The following OPA1 variants were observed in gnomAD, a reference collection of about 807,000 sequenced individuals.
The protein encoded by OPA1 is OPA1 mitochondrial dynamin like GTPase, also known as dynamin-like GTPase OPA1, mitochondrial.
OPA1 carries 59 observed loss-of-function variants against 152.9 expected under a neutral mutation model. The observed-to-expected ratio is 0.39, with a 90% confidence interval of 0.31 to 0.48. The LOEUF is 0.48. Among genes scored for constraint, OPA1 ranks in the 20% least tolerant of loss-of-function variants. The pLI, the probability that OPA1 is intolerant of heterozygous loss-of-function variation, is 0.96. For missense variants in OPA1, 1,008 were observed against 1,216.8 expected (o/e 0.83, Z 2.55); for synonymous variants, 400 against 389.9 (o/e 1.03, Z -0.31).
intron 1 of OPA1, among the ~76,000 whole-genome samples, chr3:193,602,127 T>G (rs1436923785): frequency 6.6e-6 from 1 of 152,202 alleles, no homozygotes; most frequent in Admixed American, 6.5e-5. Flanking sequence ...TAGGGAAAGC[T>G]GTCTGTAACC....
In OPA1 at chr3:193,643,963, TA is replaced by T. The variant is rs1734161253; in HGVS notation, c.1478-11del. ...TTAAAATTCCACAGTGTCATTTTTT[TA>T]TTTTTTTCAGATGGATCTGTGGATG... is the stretch of plus-strand genomic sequence containing the variant. On this transcript the variant is annotated splice_polypyrimidine_tract_variant and intron_variant, in intron 15 of 30. Coordinates refer to ENST00000361510, the MANE Select transcript of OPA1 (RefSeq NM_130837.3). The T allele has an allele frequency of 6.2e-7, 1 of 1,613,312 alleles. No individual in the cohort carries two copies. The highest frequency in any genetic ancestry group is 1.3e-5 in the African/African-American group (1 of 74,916).
chr3:193,644,193 A>G, intron 16 of OPA1, 88 bp downstream of exon 16: 1 of 1,481,376 alleles, frequency 6.8e-7, no homozygotes, highest in Non-Finnish European at 9.4e-7. Context: ...AACAACAACA[A>G]CAACAAAAAA....
intron 1 of OPA1, among the ~76,000 whole-genome samples, chr3:193,607,157 C>G (rs1727418149): frequency 6.6e-6 from 1 of 152,152 alleles, no homozygotes; most frequent in Non-Finnish European, 1.5e-5. Flanking sequence ...TTTGTAGATT[C>G]TGGATATTAG....
chr3:193,672,314 G>A (rs908254109), intron 29 of OPA1, among the ~76,000 whole-genome samples: 2 of 152,096 alleles, frequency 1.3e-5, no homozygotes, highest in Non-Finnish European at 2.9e-5. Flanking sequence ...AAGTATCTGG[G>A]CATCAATAAC....
chr3:193,599,213 T>G (rs1168403775), intron 1 of OPA1, among the ~76,000 whole-genome samples: 2 of 152,196 alleles, frequency 1.3e-5, no homozygotes, highest in East Asian at 3.8e-4. Context: ...TTAGTCTTAT[T>G]CTACTCAGGA....
chr3:193,655,211 A>G (rs1021434250), intron 22 of OPA1, among the ~76,000 whole-genome samples, 184 bp downstream of exon 22: 5 of 152,184 alleles, frequency 3.3e-5, no homozygotes, highest in African/African-American at 1.2e-4. Flanking sequence ...TACTACGGTT[A>G]TAAAAATTTA....
At chr3:193,669,516 A>G (rs1260755984) in intron 29 of OPA1, among the ~76,000 whole-genome samples, 2 of 152,192 alleles carry the variant, frequency 1.3e-5, no homozygotes, top group East Asian at 1.9e-4. Flanking sequence ...TAAAATGACT[A>G]TTATAGTGGT....
In OPA1 at chr3:193,635,284, T is replaced by C. The variant is rs187713648; in HGVS notation, c.844-134T>C. ...GTTTATTTTATTCCTAATGTTTTCG[T>C]AGATGCTTTTAAAATGTAATACATT... On this transcript the variant is annotated intron_variant, in intron 8 of 30. Transcript: ENST00000361510. 6.4e-5 allele frequency: 38 copies of C among 591,148 alleles called. No homozygotes were observed. The East Asian group carries it at 7.3e-4, about 11-fold the overall frequency. The allele number at this position is 591,148 out of a possible 1,614,324, so 36.6% of individuals were successfully genotyped here. A position where few individuals can be genotyped will look rare whatever the true frequency, so the allele number is the denominator to read the frequency against.
intron 20 of OPA1, chr3:193,648,449 T>G (rs1196829584): frequency 1.6e-5 from 6 of 371,264 alleles, no homozygotes; most frequent in African/African-American, 1.2e-4. Flanking sequence ...AACATTGTTT[T>G]TCCTTGATTT....
chr3:193,640,394 G>A (rs1166148346), intron 11 of OPA1, among the ~76,000 whole-genome samples: 1 of 151,974 alleles, frequency 6.6e-6, no homozygotes, highest in African/African-American at 2.4e-5. Context: ...TGGAGGAGGA[G>A]GGAGTGCTCA....
intron 29 of OPA1, among the ~76,000 whole-genome samples, chr3:193,678,559 C>T (rs1416760093): frequency 1.3e-5 from 2 of 152,124 alleles, no homozygotes; most frequent in Non-Finnish European, 2.9e-5. Flanking sequence ...TTTAATTTCC[C>T]ATCGCTCAGT....
intron 6 of OPA1, among the ~76,000 whole-genome samples, chr3:193,625,083 A>T (rs1322370345): frequency 6.6e-6 from 1 of 151,856 alleles, no homozygotes; most frequent in Admixed American, 6.6e-5. Context: ...TAGGCTTGTA[A>T]CATTGTCAAA....
At chr3:193,647,016 C>T (rs779727681) in intron 18 of OPA1, 49 bp from the exon 19 acceptor site, 24 of 1,257,282 alleles carry the variant, frequency 1.9e-5, no homozygotes, top group Non-Finnish European at 2.7e-5. Context: ...TATTGTTGTC[C>T]TTTTTGTCAT....
At chr3:193,604,696 A>G (rs1259404992) in intron 1 of OPA1, among the ~76,000 whole-genome samples, 3 of 151,872 alleles carry the variant, frequency 2.0e-5, no homozygotes, top group African/African-American at 4.8e-5. Flanking sequence ...CCCTGTCTCT[A>G]CTAAAAATAC....
chr3:193,667,694 T>TA (rs1386664995), intron 29 of OPA1, among the ~76,000 whole-genome samples: 2 of 145,770 alleles, frequency 1.4e-5, no homozygotes, highest in Admixed American at 6.8e-5. Flanking sequence ...AAAAAAAAGT[T>TA]ACAAGGAATT....
chr3:193,683,426 G>C (rs1252621964), intron 29 of OPA1, among the ~76,000 whole-genome samples: 1 of 152,036 alleles, frequency 6.6e-6, no homozygotes, highest in African/African-American at 2.4e-5. Context: ...CAGGGTTTGA[G>C]AAGATAGTGT....
chr3:193,662,229 A>G (rs1201078715), intron 25 of OPA1, among the ~76,000 whole-genome samples: 2 of 152,322 alleles, frequency 1.3e-5, no homozygotes, highest in South Asian at 2.1e-4. Flanking sequence ...GAGATTATGA[A>G]TAATTACAGA....
intron 29 of OPA1, among the ~76,000 whole-genome samples, chr3:193,687,492 A>G (rs555818057): frequency 5.3e-4 from 81 of 152,346 alleles, no homozygotes; most frequent in African/African-American, 1.9e-3. Context: ...ATTTAATTCA[A>G]ATATTTAATG....
Position 193,593,312 on chromosome 3 carries a change from G to C in OPA1, c.-66G>C. 1 of 1,507,398 alleles carries C rather than the reference G, an allele frequency of 6.6e-7. No individual in the cohort carries two copies. Among genetic ancestry groups the C allele is most frequent in the Non-Finnish European group, 8.9e-7 (1 of 1,121,076 alleles). 93.4% of individuals were successfully genotyped at this position (1,507,398 alleles called of 1,614,324 possible). ...GGGTCATTCCTGGACCGGGAGCCGGGCTGGGGCTCACACGGGGGCTCCCGC... is the reference window on the plus strand; with the variant it reads ...GGGTCATTCCTGGACCGGGAGCCGGCCTGGGGCTCACACGGGGGCTCCCGC... On this transcript the variant is annotated 5_prime_UTR_variant, in exon 1 of 31. Transcript: ENST00000361510.
Sources: allele counts gnomAD v4.1 joint callset (sites outside exome capture counted in the v4.1 genomes callset), GRCh38; gene constraint gnomAD v4.1.1; transcripts MANE v1.5; gene names NCBI Gene and HGNC (gene_info 2026-07-23, HGNC 2026-07-21).